The following CFAP52 variants were observed in gnomAD, a reference collection of about 807,000 sequenced individuals.
CFAP52 encodes cilia- and flagella-associated protein 52.
In CFAP52, 57 loss-of-function variants were observed where a neutral mutation model predicts 70.5. The observed-to-expected ratio is 0.81, with a 90% confidence interval of 0.65 to 1.01. The LOEUF is 1.01. Ranked by LOEUF, CFAP52 falls within the 50% of genes least tolerant of loss-of-function variation. The pLI, the probability that CFAP52 is intolerant of heterozygous loss-of-function variation, is 0.00. For synonymous variants in CFAP52, 267 were observed against 292.5 expected, an observed-to-expected ratio of 0.91 and a Z score of 0.89; for missense variants, 785 against 788.5, an observed-to-expected ratio of 1.00 and a Z score of 0.05.
intron 8 of CFAP52, among the ~76,000 whole-genome samples, chr17:9,625,450 A>G (rs1393943870): frequency 6.6e-6 from 1 of 151,038 alleles, no homozygotes; most frequent in Non-Finnish European, 1.5e-5. Context: ...TAATTTAGCT[A>G]CCCAACAGAG....
chr17:9,596,057 GTGTATATATATATATATATATATA>G (rs1262535004), intron 4 of CFAP52, among the ~76,000 whole-genome samples: 5 of 103,592 alleles, frequency 4.8e-5, no homozygotes, highest in African/African-American at 1.2e-4. Context: ...ATATATGTGT[GTGTATATATATATATATATATATA>G]TATATATATA....
intron 5 of CFAP52, 136 bp downstream of exon 5, chr17:9,598,469 A>G: frequency 1.5e-6 from 1 of 655,938 alleles, no homozygotes. Flanking sequence ...TTGATTGAAG[A>G]AGCTCACTTT....
At chr17:9,584,072 A>T in intron 1 of CFAP52, 1 of 425,064 alleles carries the variant, frequency 2.4e-6, no homozygotes, top group Non-Finnish European at 3.4e-6. Context: ...GTAGGCAGTT[A>T]GTCAATATGT....
At chr17:9,600,373 C>T (rs998788184) in intron 6 of CFAP52, among the ~76,000 whole-genome samples, 190 bp downstream of exon 6, 43 of 152,074 alleles carry the variant, frequency 2.8e-4, no homozygotes, top group African/African-American at 8.0e-4. Context: ...TCTCAAGTAG[C>T]TGGGACTACA....
intron 12 of CFAP52, 22 bp downstream of exon 12, chr17:9,638,733 T>A (rs750540153): frequency 1.2e-6 from 2 of 1,610,306 alleles, no homozygotes; most frequent in Non-Finnish European, 1.7e-6. Flanking sequence ...CAGTGAGAGA[T>A]GAGATCTTTC....
At chr17:9,608,319 G>T in intron 7 of CFAP52, 100 bp downstream of exon 7, 1 of 987,912 alleles carries the variant, frequency 1.0e-6, no homozygotes, top group Non-Finnish European at 1.4e-6. Flanking sequence ...GTGATATTTG[G>T]TTAAAAAATT....
chr17:9,636,257 G>C (rs1206396935), intron 11 of CFAP52, among the ~76,000 whole-genome samples: 1 of 147,256 alleles, frequency 6.8e-6, no homozygotes, highest in African/African-American at 2.5e-5. Context: ...GAAAGAGAAA[G>C]AAAAATAACT....
At chr17:9,599,479 G>A (rs1909168922) in intron 5 of CFAP52, among the ~76,000 whole-genome samples, 1 of 152,182 alleles carries the variant, frequency 6.6e-6, no homozygotes, top group Non-Finnish European at 1.5e-5. Context: ...TGAACTGGCA[G>A]AGGATGCCTA....
At chr17:9,628,607 G>T in intron 8 of CFAP52, 65 bp from the exon 9 acceptor site, 7 of 1,572,972 alleles carry the variant, frequency 4.5e-6, no homozygotes, top group Non-Finnish European at 6.1e-6. Context: ...ACACATTTTG[G>T]TGTCAAATAT....
chr17:9,608,306 A>G, intron 7 of CFAP52, 87 bp downstream of exon 7: 1 of 1,105,348 alleles, frequency 9.0e-7, no homozygotes, highest in South Asian at 2.2e-5. Flanking sequence ...TGATATCGGC[A>G]AAGTGATATT....
At chr17:9,585,225 A>G (rs574831256) in intron 1 of CFAP52, among the ~76,000 whole-genome samples, 1 of 152,186 alleles carries the variant, frequency 6.6e-6, no homozygotes, top group South Asian at 2.1e-4. Flanking sequence ...ACCCCTTCTC[A>G]GACCTGAAAT....
downstream of CFAP52, chr17:9,644,996 A>G (rs929891747): frequency 6.6e-6 from 1 of 152,258 alleles, no homozygotes; most frequent in African/African-American, 2.4e-5. Context: ...CGTGGCTCCC[A>G]GTTCAGGTCC....
intron 5 of CFAP52, among the ~76,000 whole-genome samples, chr17:9,599,268 G>A (rs568080111): frequency 6.6e-6 from 1 of 152,286 alleles, no homozygotes; most frequent in South Asian, 2.1e-4. Context: ...CGATTTTGGA[G>A]CATTTCAGAT....
chr17:9,641,926 A>T, intron 13 of CFAP52, 91 bp downstream of exon 13: 3 of 1,136,876 alleles, frequency 2.6e-6, no homozygotes, highest in Non-Finnish European at 3.9e-6. Context: ...GGAAAAGACA[A>T]CAAAAGGGTC....
intron 1 of CFAP52, among the ~76,000 whole-genome samples, chr17:9,583,103 G>A (rs964731296): frequency 1.3e-5 from 2 of 152,104 alleles, no homozygotes; most frequent in African/African-American, 4.8e-5. Context: ...TTTGTGTAAG[G>A]TGTGAATTAT....
chr17:9,580,467 TC>T (rs1416780622), intron 1 of CFAP52, among the ~76,000 whole-genome samples: 5 of 151,912 alleles, frequency 3.3e-5, no homozygotes, highest in Non-Finnish European at 5.9e-5. Context: ...GCAGGAAGAT[TC>T]CTTGAGGCCA....
intron 11 of CFAP52, among the ~76,000 whole-genome samples, chr17:9,637,923 G>T (rs148721106): frequency 1.1e-4 from 17 of 152,252 alleles, no homozygotes; most frequent in African/African-American, 4.1e-4. Flanking sequence ...GCTCTCTTCA[G>T]TTGCGGGAGG....
chr17:9,578,027 G>A (rs1156418296), intron 1 of CFAP52, among the ~76,000 whole-genome samples: 1 of 152,240 alleles, frequency 6.6e-6, no homozygotes, highest in African/African-American at 2.4e-5. Flanking sequence ...GGGAGGCAGA[G>A]GTTGCAGTGA....
intron 1 of CFAP52, among the ~76,000 whole-genome samples, chr17:9,579,925 G>A (rs770569173): frequency 3.3e-5 from 5 of 152,134 alleles, no homozygotes; most frequent in African/African-American, 7.2e-5. Flanking sequence ...ACACTTGTAG[G>A]TATTGCATTT....
Sources: allele counts gnomAD v4.1 joint callset (sites outside exome capture counted in the v4.1 genomes callset), GRCh38; gene constraint gnomAD v4.1.1; transcripts MANE v1.5; gene names NCBI Gene and HGNC (gene_info 2026-07-23, HGNC 2026-07-21).